STS: variants seen among roughly 807,000 people sequenced by gnomAD.
STS encodes the protein steryl-sulfatase.
STS carries 7 observed loss-of-function variants against 26.8 expected under a neutral mutation model. The observed-to-expected ratio is 0.26, with a 90% CI of 0.15 to 0.49. The LOEUF is 0.49. Ranked by LOEUF, STS falls within the 20% of genes least tolerant of loss-of-function variation. The pLI is 0.98. For missense variants in STS, 434 were observed against 465.6 expected, an observed-to-expected ratio of 0.93 and a Z score of 0.63; for synonymous variants, 199 against 189.4, an observed-to-expected ratio of 1.05 and a Z score of -0.42.
chrX:7,346,567 A>G (rs1488427334), intron 10 of STS, among the ~76,000 whole-genome samples: 2 of 111,542 alleles, frequency 1.8e-5, no homozygotes, highest in African/African-American at 6.5e-5. Context: ...AAATGAGTCT[A>G]AGTTCCCAGT....
At chrX:7,302,764 G>C (rs1432384609) in intron 7 of STS, among the ~76,000 whole-genome samples, 1 of 111,682 alleles carries the variant, frequency 9.0e-6, no homozygotes, top group Non-Finnish European at 1.9e-5. Flanking sequence ...GGGTGTGAGT[G>C]CAACCTGGAG....
At chrX:7,299,475 ATG>A (rs1195075339) in intron 7 of STS, among the ~76,000 whole-genome samples, 30 of 104,980 alleles carry the variant, frequency 2.9e-4, no homozygotes, top group South Asian at 1.2e-3. Flanking sequence ...ATATACATAT[ATG>A]TGTGTGTGTT....
chrX:7,174,970 C>T (rs1239820151), intron 1 of STS, among the ~76,000 whole-genome samples: 2 of 110,839 alleles, frequency 1.8e-5, no homozygotes, highest in Non-Finnish European at 3.8e-5. Context: ...CTGGCGTTGG[C>T]GTCTTCTGGA....
intron 8 of STS, among the ~76,000 whole-genome samples, chrX:7,324,221 TTGGCAG>T (rs1331547742): frequency 9.0e-6 from 1 of 110,597 alleles, no homozygotes; most frequent in Non-Finnish European, 1.9e-5. Context: ...GAATTTCTGA[TTGGCAG>T]TTGGTTGAAA....
At chrX:7,345,883 C>T (rs1381845401) in intron 10 of STS, among the ~76,000 whole-genome samples, 2 of 111,874 alleles carry the variant, frequency 1.8e-5, no homozygotes, top group Non-Finnish European at 3.8e-5. Context: ...TTCTGGTTTG[C>T]GCCCTCTCTA....
intron 7 of STS, among the ~76,000 whole-genome samples, chrX:7,301,531 T>A (rs1472988066): frequency 8.9e-6 from 1 of 112,084 alleles, no homozygotes; most frequent in Non-Finnish European, 1.9e-5. Context: ...GTGGTATATT[T>A]GTTACAATTG....
At chrX:7,170,671 A>T (rs1272438239) in intron 1 of STS, among the ~76,000 whole-genome samples, 2 of 110,224 alleles carry the variant, frequency 1.8e-5, no homozygotes, top group East Asian at 5.7e-4. Context: ...TTTTTTGTAG[A>T]AATGGGGTCT....
chrX:7,257,187 A>G, intron 3 of STS, 55 bp from the exon 4 acceptor site: 1 of 1,202,086 alleles, frequency 8.3e-7, no homozygotes, highest in Non-Finnish European at 1.1e-6. Context: ...CTCAAAACTA[A>G]ATACATGAAC....
chrX:7,215,527 G>A (rs1921273207), intron 2 of STS, among the ~76,000 whole-genome samples: 1 of 110,713 alleles, frequency 9.0e-6, no homozygotes, highest in African/African-American at 3.3e-5. Context: ...AGTGGAGACT[G>A]GCCTGGATTG....
At chrX:7,279,357 GTATATGTGTGTGTGTGTGTGTATA>G (rs1924726209) in intron 7 of STS, among the ~76,000 whole-genome samples, 1 of 75,084 alleles carries the variant, frequency 1.3e-5, no homozygotes, top group African/African-American at 6.0e-5. Context: ...GTGTGTGTGT[GTATATGTGTGTGTGTGTGTGTATA>G]TATATGTGTG....
Position 7,350,099 on chromosome X carries a change from G to T in STS, c.1575G>T (p.Met525Ile), listed in dbSNP as rs1928729243. ...GGTTTTATGAAATCCTCAAAGTCAT[G>T]CAGGAAGCTGCGGACAGACACACCC... The part of the protein sequence containing the change: ...EPRFYEILKV[M>I]QEAADRHTQT... Residue 525 changes from methionine to isoleucine, a missense_variant, in exon 11 of 11, where the codon ATG becomes ATT. Coordinates refer to ENST00000674429, the MANE Select transcript of STS (RefSeq NM_001320752.2). 8.3e-7 allele frequency: 1 copy of T among 1,210,507 alleles called. No individual in the cohort carries two copies. The highest frequency in any genetic ancestry group is 1.8e-5 in the South Asian group (1 of 56,855).
At chrX:7,338,457 G>A (rs1384989413) in intron 10 of STS, among the ~76,000 whole-genome samples, 1 of 112,027 alleles carries the variant, frequency 8.9e-6, no homozygotes, top group Non-Finnish European at 1.9e-5. Context: ...GACATATATG[G>A]AATCTTAGCA....
intron 7 of STS, among the ~76,000 whole-genome samples, chrX:7,300,720 T>C (rs1409529333): frequency 9.0e-6 from 1 of 111,363 alleles, no homozygotes; most frequent in Non-Finnish European, 1.9e-5. Context: ...CTTTCTCTTG[T>C]ACTAATCCCA....
chrX:7,335,785 A>G (rs761964786), intron 10 of STS, among the ~76,000 whole-genome samples: 20 of 112,082 alleles, frequency 1.8e-4, no homozygotes, highest in African/African-American at 6.2e-4. Flanking sequence ...TGATTTTTGT[A>G]TAAGGTGTAA....
intron 6 of STS, among the ~76,000 whole-genome samples, chrX:7,274,534 G>A (rs1240998074): frequency 8.9e-6 from 1 of 112,042 alleles, no homozygotes. Flanking sequence ...TTCTCAGAGG[G>A]CAACCCGATG....
intron 9 of STS, among the ~76,000 whole-genome samples, chrX:7,327,232 A>G (rs1367331157): frequency 9.0e-6 from 1 of 110,814 alleles, no homozygotes; most frequent in Non-Finnish European, 1.9e-5. Flanking sequence ...GTGCCTTCCT[A>G]TTGTTATAAA....
At chrX:7,326,094 C>T (rs1201787295) in intron 9 of STS, among the ~76,000 whole-genome samples, 4 of 110,896 alleles carry the variant, frequency 3.6e-5, no homozygotes, top group Non-Finnish European at 5.7e-5. Flanking sequence ...GTTTCTCTGG[C>T]GCCTTGGGGT....
chrX:7,258,907 GAA>G (rs200914929), intron 5 of STS, among the ~76,000 whole-genome samples: 2 of 95,133 alleles, frequency 2.1e-5, no homozygotes, highest in Non-Finnish European at 2.1e-5. Context: ...CCAGGAAAAA[GAA>G]AAAAAAAAAA....
rs192986842 is a variant in STS, at chrX:7,211,998, T to C, written c.-5+20990T>C. ...TCCTGCTGCAGATCGCGGGAGCAGA[T>C]ACGTGTCAATGTATTCCTTCCCTTT... On this transcript the variant is annotated intron_variant, in intron 2 of 10. Transcript: ENST00000674429. Among the ~76,000 whole-genome samples the C allele has an allele frequency of 2.1e-3, 239 of 112,213 alleles. 2 individuals are homozygous for C. Among genetic ancestry groups the C allele is most frequent in the Middle Eastern group, 9.1e-3 (2 of 219 alleles).
Sources: gnomAD v4.1 joint callset for allele counts (sites outside exome capture counted in the v4.1 genomes callset) on GRCh38, gnomAD v4.1.1 for gene constraint, MANE v1.5 for transcripts, NCBI Gene and HGNC (gene_info 2026-07-23, HGNC 2026-07-21) for gene names.